Variants in DMD observed in about 807,000 individuals in gnomAD.
DMD encodes dystrophin.
A neutral mutation model predicts 330.1 loss-of-function variants in DMD; 63 were observed. The observed-to-expected ratio is 0.19, with a 90% CI of 0.16 to 0.24. The LOEUF (loss-of-function observed/expected upper bound fraction) is 0.24. DMD is among the 10% of genes least tolerant of loss of function. The probability of loss-of-function intolerance (pLI) is 1.00; values close to 1 mark genes in which losing one functional copy is unlikely to be tolerated. For missense variants in DMD, 3,344 were observed against 2,684.1 expected (o/e 1.25, Z -5.43); for synonymous variants, 1,223 against 959.8 (o/e 1.27, Z -5.07).
At chrX:33,013,373 T>A (rs765566732) in intron 2 of DMD, among the ~76,000 whole-genome samples, 1 of 111,584 alleles carries the variant, frequency 9.0e-6, no homozygotes, top group Non-Finnish European at 1.9e-5. Context: ...TCCGTAAGTT[T>A]CCTGTATCAA....
chrX:31,998,251 T>G (rs947894265), intron 44 of DMD, among the ~76,000 whole-genome samples: 1 of 112,263 alleles, frequency 8.9e-6, no homozygotes, highest in African/African-American at 3.2e-5. Context: ...CAATTCCAGA[T>G]GCTCTGGCAT....
At chrX:32,395,825 T>A (rs1441087550) in intron 30 of DMD, among the ~76,000 whole-genome samples, 1 of 111,521 alleles carries the variant, frequency 9.0e-6, no homozygotes, top group Non-Finnish European at 1.9e-5. Flanking sequence ...AGACTGAATG[T>A]GAGTTAGTAA....
At chrX:32,162,526 G>A (rs1427867383) in intron 44 of DMD, among the ~76,000 whole-genome samples, 1 of 107,263 alleles carries the variant, frequency 9.3e-6, no homozygotes, top group Non-Finnish European at 1.9e-5. Flanking sequence ...CGTAGTCAAA[G>A]TGACAGTTTT....
At chrX:32,467,694 CAT>C (rs60293661) in intron 23 of DMD, among the ~76,000 whole-genome samples, 4,091 of 104,362 alleles carry the variant, frequency 0.039, 229 homozygotes, top group African/African-American at 0.14. Context: ...TATATATATA[CAT>C]ATATATATGG....
At chrX:31,686,952 T>C (rs912125718) in intron 52 of DMD, among the ~76,000 whole-genome samples, 1 of 111,557 alleles carries the variant, frequency 9.0e-6, no homozygotes, top group African/African-American at 3.3e-5. Context: ...TAAAGAAGAC[T>C]TTGTCTTGCA....
chrX:32,499,767 A>AT (rs570672926), intron 19 of DMD, among the ~76,000 whole-genome samples: 1 of 111,132 alleles, frequency 9.0e-6, no homozygotes, highest in South Asian at 3.7e-4. Flanking sequence ...TAAAGGAGCT[A>AT]TTATGATTTA....
chrX:31,430,712 C>T (rs1183572644), intron 60 of DMD, among the ~76,000 whole-genome samples: 1 of 110,026 alleles, frequency 9.1e-6, no homozygotes, highest in Non-Finnish European at 1.9e-5. Flanking sequence ...TTTACTGCCC[C>T]TACAGTTTAA....
chrX:32,256,329 T>A (rs1156384943), intron 43 of DMD, among the ~76,000 whole-genome samples: 1 of 110,505 alleles, frequency 9.0e-6, no homozygotes, highest in Non-Finnish European at 1.9e-5. Flanking sequence ...TTTTTATTTT[T>A]TTTAATTTTT....
intron 54 of DMD, among the ~76,000 whole-genome samples, chrX:31,650,756 A>G (rs1398051703): frequency 8.9e-6 from 1 of 112,133 alleles, no homozygotes; most frequent in African/African-American, 3.2e-5. Flanking sequence ...TACTTTCAGA[A>G]AAATTTGAGA....
chrX:31,356,479 T>C (rs1241084186), intron 60 of DMD, among the ~76,000 whole-genome samples: 1 of 111,267 alleles, frequency 9.0e-6, no homozygotes, highest in African/African-American at 3.3e-5. Flanking sequence ...TGTGCATGCT[T>C]GCAAGACAAG....
chrX:31,872,197 C>T (rs754358412), intron 48 of DMD, among the ~76,000 whole-genome samples: 80 of 109,985 alleles, frequency 7.3e-4, no homozygotes, highest in African/African-American at 2.5e-3. Flanking sequence ...GGACTGAAGC[C>T]AAGGAGTTTT....
intron 43 of DMD, among the ~76,000 whole-genome samples, chrX:32,247,014 T>C (rs189847700): frequency 2.7e-5 from 3 of 112,008 alleles, no homozygotes; most frequent in African/African-American, 9.7e-5. Flanking sequence ...CCAGGATATC[T>C]AATTTATTTT....
chrX:33,013,464 G>A (rs75761060), intron 2 of DMD, among the ~76,000 whole-genome samples: 10,855 of 110,751 alleles, frequency 0.098, 750 homozygotes, highest in African/African-American at 0.23. Context: ...AGCATCCAGA[G>A]ACATAGTTCA....
At chrX:31,327,374 A>T (rs187184770) in intron 61 of DMD, among the ~76,000 whole-genome samples, 23 of 112,154 alleles carry the variant, frequency 2.1e-4, no homozygotes, top group African/African-American at 6.8e-4. Flanking sequence ...TGAAAATCAC[A>T]AGCACAGGCC....
At chrX:32,745,710 AG>A (rs1158294020) in intron 7 of DMD, among the ~76,000 whole-genome samples, 2 of 112,163 alleles carry the variant, frequency 1.8e-5, no homozygotes, top group African/African-American at 3.2e-5. Context: ...TCTTAATAAA[AG>A]TTTTCTCGAG....
chrX:32,189,580 C>G (rs772462932), intron 44 of DMD, among the ~76,000 whole-genome samples: 13 of 110,365 alleles, frequency 1.2e-4, no homozygotes, highest in Non-Finnish European at 2.3e-4. Context: ...GCAGATTTCT[C>G]TTTATCCTTC....
At chrX:32,704,898 C>A (rs947345632) in intron 7 of DMD, among the ~76,000 whole-genome samples, 2 of 111,844 alleles carry the variant, frequency 1.8e-5, no homozygotes, top group Non-Finnish European at 1.9e-5. Context: ...TCTAAAAGGA[C>A]AAAGTGCTGG....
chrX:32,992,993 T>C (rs1325105179), intron 2 of DMD, among the ~76,000 whole-genome samples: 2 of 111,537 alleles, frequency 1.8e-5, no homozygotes, highest in African/African-American at 6.5e-5. Flanking sequence ...AAAATCAATG[T>C]ATTTTACTGA....
chrX:33,297,748 C>T (rs1385402447), intron 1 of DMD, among the ~76,000 whole-genome samples: 1 of 111,094 alleles, frequency 9.0e-6, no homozygotes, highest in Non-Finnish European at 1.9e-5. Context: ...ACAAATGTTG[C>T]ATGATATTAT....
Sources: gnomAD v4.1 joint callset for allele counts (sites outside exome capture counted in the v4.1 genomes callset) on GRCh38, gnomAD v4.1.1 for gene constraint, MANE v1.5 for transcripts, NCBI Gene and HGNC (gene_info 2026-07-23, HGNC 2026-07-21) for gene names.